CPD: variants seen among roughly 807,000 people sequenced by gnomAD.
CPD encodes the protein metallocarboxypeptidase D.
CPD carries 69 observed loss-of-function variants against 138.3 expected under a neutral mutation model. That is an observed-to-expected ratio of 0.50 (90% CI 0.41 to 0.61). The LOEUF (loss-of-function observed/expected upper bound fraction) is 0.61, where lower values mean the gene tolerates loss of function less well. CPD is among the 20% of genes least tolerant of loss of function. The pLI is 0.00. For synonymous variants in CPD, 651 were observed against 642.1 expected (o/e 1.01, Z -0.21); for missense variants, 1,432 against 1,733.3 (o/e 0.83, Z 3.09).
At chr17:30,459,976 A>C (rs770680203) in intron 17 of CPD, among the ~76,000 whole-genome samples, 2 of 152,206 alleles carry the variant, frequency 1.3e-5, no homozygotes, top group Non-Finnish European at 1.5e-5. Flanking sequence ...GCATTTTGCT[A>C]TATTAGTGAT....
At chr17:30,424,013 T>A (rs1429064406) in intron 6 of CPD, among the ~76,000 whole-genome samples, 10 of 152,158 alleles carry the variant, frequency 6.6e-5, no homozygotes, top group Admixed American at 6.5e-4. Context: ...TGTAAAATAT[T>A]TGAAGAGATT....
At chr17:30,416,126 A>G (rs1407172477) in intron 2 of CPD, among the ~76,000 whole-genome samples, 1 of 152,198 alleles carries the variant, frequency 6.6e-6, no homozygotes, top group Non-Finnish European at 1.5e-5. Flanking sequence ...TGAGGTCAGG[A>G]GTTCGAGACC....
intron 2 of CPD, among the ~76,000 whole-genome samples, chr17:30,386,447 A>C (rs1911189826): frequency 6.6e-6 from 1 of 152,182 alleles, no homozygotes; most frequent in South Asian, 2.1e-4. Flanking sequence ...ATATATACAT[A>C]ACATGAAATT....
chr17:30,429,106 A>G (rs950341409), intron 7 of CPD, among the ~76,000 whole-genome samples: 5 of 152,222 alleles, frequency 3.3e-5, no homozygotes, highest in African/African-American at 1.2e-4. Flanking sequence ...AGAAAAAAGT[A>G]CTTCTACAGT....
chr17:30,413,461 A>C (rs915683830), intron 2 of CPD, among the ~76,000 whole-genome samples: 2 of 152,216 alleles, frequency 1.3e-5, no homozygotes, highest in African/African-American at 4.8e-5. Flanking sequence ...TAAACCTGCA[A>C]ATATTCTGAG....
intron 7 of CPD, 27 bp downstream of exon 7, chr17:30,427,585 C>T (rs764200925): frequency 6.2e-7 from 1 of 1,602,832 alleles, no homozygotes; most frequent in Non-Finnish European, 8.5e-7. Flanking sequence ...TTCTACTAAT[C>T]AGTTCTTGTT....
chr17:30,384,680 T>C (rs1911133504), intron 1 of CPD, among the ~76,000 whole-genome samples: 1 of 152,206 alleles, frequency 6.6e-6, no homozygotes, highest in Non-Finnish European at 1.5e-5. Flanking sequence ...AAATAAGACA[T>C]TTCCTGAAAT....
At chr17:30,439,141 T>A in intron 9 of CPD, 64 bp downstream of exon 9, 2 of 832,622 alleles carry the variant, frequency 2.4e-6, no homozygotes, top group Non-Finnish European at 3.9e-6. Context: ...TAGATGGTGC[T>A]TCTTGTTATT....
intron 2 of CPD, among the ~76,000 whole-genome samples, chr17:30,405,367 A>C (rs930109071): frequency 5.3e-5 from 8 of 152,176 alleles, no homozygotes; most frequent in African/African-American, 1.7e-4. Flanking sequence ...ATCTGTAGCT[A>C]TCTGCTTAGG....
chr17:30,457,295 A>G (rs1913326652), intron 17 of CPD, among the ~76,000 whole-genome samples: 1 of 152,222 alleles, frequency 6.6e-6, no homozygotes, highest in Non-Finnish European at 1.5e-5. Context: ...TCATTACTTC[A>G]TTCATTTTTA....
At chr17:30,422,585 G>C (rs1912294613) in intron 4 of CPD, 89 bp from the exon 5 acceptor site, 2 of 799,732 alleles carry the variant, frequency 2.5e-6, no homozygotes, top group South Asian at 1.9e-5. Context: ...CTAAGTGTAA[G>C]AGGATGAAAA....
chr17:30,378,992 C>T lies in CPD; in HGVS notation c.12C>T (p.Gly4=). 6.5e-7 allele frequency: 1 copy of T among 1,539,808 alleles called. No homozygotes were observed. The highest frequency in any genetic ancestry group is 8.7e-7 in the Non-Finnish European group (1 of 1,153,698). ...GGCGCTGCTGGAAGATGGCGAGCGGCCGGGACGAGCGGCCGCCTTGGCGGC... is the reference window on the plus strand; with the variant it reads ...GGCGCTGCTGGAAGATGGCGAGCGGTCGGGACGAGCGGCCGCCTTGGCGGC... MAS[G]RDERPPWRLG... The change falls in exon 1 of 21, where the codon GGC becomes GGT. Residue 4 remains glycine (G), a synonymous_variant. Coordinates refer to ENST00000225719, the MANE Select transcript of CPD (RefSeq NM_001304.5).
intron 5 of CPD, 126 bp from the exon 6 acceptor site, chr17:30,423,380 C>T (rs967755633): frequency 1.1e-5 from 7 of 618,356 alleles, no homozygotes; most frequent in Admixed American, 7.3e-5. Flanking sequence ...TTTTTTCTGC[C>T]TCCTTTGCCA....
At chr17:30,427,832 T>G (rs896714607) in intron 7 of CPD, among the ~76,000 whole-genome samples, 1 of 150,988 alleles carries the variant, frequency 6.6e-6, no homozygotes, top group African/African-American at 2.4e-5. Context: ...TTTTCTCACC[T>G]ACTACTTCTC....
Position 30,379,367 on chromosome 17 carries a change from G to A in CPD, c.387G>A (p.Arg129=), listed in dbSNP as rs1313826830. 1.3e-6 allele frequency: 2 copies of A among 1,509,108 alleles called. No individual in the cohort carries two copies. The highest frequency in any genetic ancestry group is 8.8e-7 in the Non-Finnish European group (1 of 1,136,490). The allele number at this position is 1,509,108 out of a possible 1,614,324, so 93.5% of individuals were successfully genotyped here. The change falls in exon 1 of 21, where the codon CGG becomes CGA. Residue 129 remains arginine, a synonymous_variant. Coordinates refer to ENST00000225719, the MANE Select transcript of CPD (RefSeq NM_001304.5). The surrounding 1 kb of genome is among the most constrained non-coding windows in gnomAD (Gnocchi z 7.0). ...PDAAGPLLPG[R]PQVKLVGNMH... Reference sequence around the variant, plus strand: ...CTGCGGGGCCGCTGCTGCCCGGCCGGCCCCAGGTGAAGCTGGTGGGCAACA... The same window carrying A: ...CTGCGGGGCCGCTGCTGCCCGGCCGACCCCAGGTGAAGCTGGTGGGCAACA...
chr17:30,443,192 A>T (rs1488406394), intron 10 of CPD, among the ~76,000 whole-genome samples: 1 of 152,118 alleles, frequency 6.6e-6, no homozygotes, highest in African/African-American at 2.4e-5. Flanking sequence ...TGACTGAACT[A>T]TTGTAATATA....
In CPD at chr17:30,420,917, A is replaced by T; in HGVS notation, c.1071A>T (p.Pro357=). ...ITLELSCCKY[P]PASQLRQEWE... ...TAGAACTGTCTTGTTGCAAGTACCC[A>T]CCTGCTTCACAGCTTCGACAGGAAT... The change falls in exon 3 of 21, where the codon CCA becomes CCT. Residue 357 remains proline, a synonymous_variant. Transcript: ENST00000225719. 6.2e-7 allele frequency: 1 copy of T among 1,613,776 alleles called. No homozygotes were observed. Among genetic ancestry groups the T allele is most frequent in the Non-Finnish European group, 8.5e-7 (1 of 1,179,728 alleles).
At chr17:30,453,745 A>C (rs1296542477) in intron 14 of CPD, among the ~76,000 whole-genome samples, 1 of 152,128 alleles carries the variant, frequency 6.6e-6, no homozygotes, top group East Asian at 1.9e-4. Flanking sequence ...CCTGCAGCAA[A>C]CTTTTGCCTG....
In CPD at chr17:30,465,814, A is replaced by C. The variant is rs1335246854; in HGVS notation, c.*1000A>C. 2 of 152,622 alleles carry C rather than the reference A, an allele frequency of 1.3e-5. No individual in the cohort carries two copies. The highest frequency in any genetic ancestry group is 1.5e-5 in the Non-Finnish European group (1 of 68,024). The allele number at this position is 152,622 out of a possible 1,614,324, so 9.5% of individuals were successfully genotyped here. On this transcript the variant is annotated 3_prime_UTR_variant, in exon 21 of 21. Transcript: ENST00000225719. ...ACATTCTTAACCTGTATTTGAACAC[A>C]AAATATCTATACTTCATGCTCCAGC... is the stretch of plus-strand genomic sequence containing the variant.
Sources: allele counts gnomAD v4.1 joint callset (sites outside exome capture counted in the v4.1 genomes callset), GRCh38; gene constraint gnomAD v4.1.1; non-coding constraint Gnocchi (gnomAD v3.1); transcripts MANE v1.5; gene names NCBI Gene and HGNC (gene_info 2026-07-23, HGNC 2026-07-21).